MAML2: variants seen among roughly 807,000 people sequenced by gnomAD.
MAML2 encodes mastermind like transcriptional coactivator 2.
Under a neutral mutation model 96.1 loss-of-function variants are expected in MAML2, and 22 were observed. That is an observed-to-expected ratio of 0.23 (90% CI 0.16 to 0.33). The LOEUF is 0.33. MAML2 is among the 10% of genes least tolerant of loss of function. The pLI is 1.00. For missense variants in MAML2, 1,367 were observed against 1,392.4 expected (o/e 0.98, Z 0.29); for synonymous variants, 561 against 521.3 (o/e 1.08, Z -1.04).
In MAML2 at chr11:96,185,652, A is replaced by T. The variant is rs909465661; in HGVS notation, c.514-92135T>A. ...TGCTGACTCTCAGCCTCTCCCCCAGACCTGCTGAATGAGAAGCTGATTAAG... is the reference window on the plus strand; with the variant it reads ...TGCTGACTCTCAGCCTCTCCCCCAGTCCTGCTGAATGAGAAGCTGATTAAG... On this transcript the variant is annotated intron_variant, in intron 1 of 4. Coordinates refer to ENST00000524717, the MANE Select transcript of MAML2 (RefSeq NM_032427.4). Among the ~76,000 whole-genome samples, 38 of 152,300 alleles carry T rather than the reference A, an allele frequency of 2.5e-4. 1 individual carries two copies. Among genetic ancestry groups the T allele is most frequent in the African/African-American group, 8.9e-4 (37 of 41,560 alleles).
At chr11:96,274,022 G>C (rs1862949005) in intron 1 of MAML2, among the ~76,000 whole-genome samples, 1 of 145,996 alleles carries the variant, frequency 6.8e-6, no homozygotes, top group African/African-American at 2.5e-5. Flanking sequence ...AGTCTCTCTT[G>C]GTATTTTCAT....
intron 1 of MAML2, among the ~76,000 whole-genome samples, chr11:96,212,150 T>TGG (rs372748139): frequency 0.028 from 3,575 of 127,572 alleles, 134 homozygotes; most frequent in East Asian, 0.19. Context: ...TGTGTGTGTG[T>TGG]GGAAGGGGGA....
intron 1 of MAML2, among the ~76,000 whole-genome samples, chr11:96,170,687 G>A (rs1411802803): frequency 6.6e-6 from 1 of 152,202 alleles, no homozygotes; most frequent in African/African-American, 2.4e-5. Context: ...GAGAAAGGAT[G>A]AGGGAGAAGG....
chr11:96,218,340 CT>C (rs1301802978), intron 1 of MAML2, among the ~76,000 whole-genome samples: 1 of 152,172 alleles, frequency 6.6e-6, no homozygotes, highest in Admixed American at 6.5e-5. Flanking sequence ...GTGAACCCCA[CT>C]TAATTGTCAT....
intron 1 of MAML2, among the ~76,000 whole-genome samples, chr11:96,244,417 G>T (rs541705155): frequency 5.3e-5 from 8 of 152,198 alleles, no homozygotes; most frequent in Non-Finnish European, 1.2e-4. Context: ...GGATAGAAGA[G>T]CTTAAACTCT....
At chr11:96,305,323 G>A (rs1863448677) in intron 1 of MAML2, among the ~76,000 whole-genome samples, 2 of 152,126 alleles carry the variant, frequency 1.3e-5, no homozygotes, top group South Asian at 4.1e-4. Context: ...ACAACACCAA[G>A]AGTGAATCCT....
intron 1 of MAML2, among the ~76,000 whole-genome samples, chr11:96,207,504 T>C (rs977906375): frequency 6.6e-6 from 1 of 152,258 alleles, no homozygotes; most frequent in African/African-American, 2.4e-5. Context: ...CGGCCTCTTT[T>C]ACCTATGCAC....
chr11:96,052,869 T>C (rs1565200368), intron 2 of MAML2, among the ~76,000 whole-genome samples: 1 of 152,228 alleles, frequency 6.6e-6, no homozygotes. Context: ...TTGCCTAGAA[T>C]GAAGCCTAGA....
chr11:96,123,226 G>A lies in MAML2; in HGVS notation c.514-29709C>T, dbSNP rs376324651. 4.1e-4 allele frequency among the ~76,000 whole-genome samples: 63 copies of A among 152,126 alleles called. 1 individual carries two copies. In the South Asian group the frequency reaches 0.012, roughly 29 times the overall value. ...GCCAGCTCCTAAGCAGCCCCGTAAA[G>A]GCAGGAACCACTAGATCTCCAAAAA... On this transcript the variant is annotated intron_variant, in intron 1 of 4. Coordinates refer to ENST00000524717, the MANE Select transcript of MAML2 (RefSeq NM_032427.4).
In MAML2 at chr11:96,004,124, A is replaced by G. The variant is rs569346692; in HGVS notation, c.2140-12401T>C. On this transcript the variant is annotated intron_variant, in intron 2 of 4. Coordinates refer to ENST00000524717, the MANE Select transcript of MAML2 (RefSeq NM_032427.4). ...TTTCTCTTCACAAAAGCAAAAGGAT[A>G]TACATTAGAAACTAGTTTTATACCA... is the stretch of plus-strand genomic sequence containing the variant. Among the ~76,000 whole-genome samples, 114 of 152,292 alleles carry G rather than the reference A, an allele frequency of 7.5e-4. No homozygotes were observed. The Middle Eastern group carries it at 0.014, about 18-fold the overall frequency.
chr11:96,326,078 ACTCT>A (rs760719918), intron 1 of MAML2, among the ~76,000 whole-genome samples: 3 of 140,014 alleles, frequency 2.1e-5, no homozygotes, highest in Non-Finnish European at 4.6e-5. Flanking sequence ...TTGTTTGTTT[ACTCT>A]CTGTCTACCC....
chr11:96,124,576 G>A (rs1008900370), intron 1 of MAML2, among the ~76,000 whole-genome samples: 4 of 152,200 alleles, frequency 2.6e-5, no homozygotes, highest in African/African-American at 9.7e-5. Flanking sequence ...GTTAATCCAT[G>A]AAAATGCACA....
At chr11:96,339,016 G>A (rs1303704652) in intron 1 of MAML2, among the ~76,000 whole-genome samples, 1 of 152,100 alleles carries the variant, frequency 6.6e-6, no homozygotes, top group African/African-American at 2.4e-5. Context: ...AGTAACAACG[G>A]GCCAAATTTA....
Position 96,141,655 on chromosome 11 carries a change from G to A in MAML2, c.514-48138C>T, listed in dbSNP as rs189923026. ...TGAGCACAGAAGACCTCCTCCCTCC[G>A]ATTGCCTTCCTTCTCCACACATAAG... is the stretch of plus-strand genomic sequence containing the variant. On this transcript the variant is annotated intron_variant, in intron 1 of 4. Transcript: ENST00000524717. 2.0e-4 allele frequency among the ~76,000 whole-genome samples: 31 copies of A among 152,282 alleles called. No individual in the cohort carries two copies. In the South Asian group the frequency reaches 5.0e-3, roughly 24 times the overall value.
At chr11:96,179,479 T>A (rs1861449512) in intron 1 of MAML2, among the ~76,000 whole-genome samples, 1 of 152,172 alleles carries the variant, frequency 6.6e-6, no homozygotes, top group Admixed American at 6.5e-5. Flanking sequence ...CTCTCAAACC[T>A]ACATATAGGA....
intron 1 of MAML2, among the ~76,000 whole-genome samples, chr11:96,111,144 A>G (rs1860112890): frequency 6.6e-6 from 1 of 152,224 alleles, no homozygotes; most frequent in African/African-American, 2.4e-5. Context: ...ATTCTCCACT[A>G]TCTGTGCTCA....
At chr11:96,280,644 C>T (rs1390226902) in intron 1 of MAML2, among the ~76,000 whole-genome samples, 2 of 152,216 alleles carry the variant, frequency 1.3e-5, no homozygotes, top group Non-Finnish European at 2.9e-5. Flanking sequence ...AGGTGAAAGA[C>T]TCACTGCCTT....
chr11:96,080,945 C>T (rs974783170), intron 2 of MAML2, among the ~76,000 whole-genome samples: 2 of 152,136 alleles, frequency 1.3e-5, no homozygotes, highest in African/African-American at 4.8e-5. Context: ...GCCAGAGACT[C>T]GTTTGAGAAA....
intron 1 of MAML2, among the ~76,000 whole-genome samples, chr11:96,124,122 TAAACC>T (rs1860397992): frequency 8.0e-6 from 1 of 124,426 alleles, no homozygotes; most frequent in African/African-American, 3.0e-5. Context: ...AAAAAAGGAG[TAAACC>T]CAGCAGGTGT....
Sources: gnomAD v4.1 joint callset for allele counts (sites outside exome capture counted in the v4.1 genomes callset) on GRCh38, gnomAD v4.1.1 for gene constraint, MANE v1.5 for transcripts, NCBI Gene and HGNC (gene_info 2026-07-23, HGNC 2026-07-21) for gene names.